NACC2: variants seen among roughly 807,000 people sequenced by gnomAD.
The protein encoded by NACC2 is NACC family member 2.
In NACC2, 8 loss-of-function variants were observed where a neutral mutation model predicts 25.1. The ratio of observed to expected loss-of-function variants is 0.32; its 90% CI spans 0.19 to 0.57. The LOEUF (loss-of-function observed/expected upper bound fraction) is 0.57, where lower values mean the gene tolerates loss of function less well. Among genes scored for constraint, NACC2 ranks in the 20% least tolerant of loss-of-function variants. The pLI is 0.89. For synonymous variants in NACC2, 435 were observed against 294.7 expected, an observed-to-expected ratio of 1.48 and a Z score of -4.88; for missense variants, 644 against 650.2, an observed-to-expected ratio of 0.99 and a Z score of 0.10.
chr9:136,091,319 A>G (rs1000738521), intron 1 of NACC2, among the ~76,000 whole-genome samples: 2 of 152,226 alleles, frequency 1.3e-5, no homozygotes, highest in African/African-American at 2.4e-5. Context: ...GGACGGCCTC[A>G]GGGAGGACGG....
At chr9:136,045,668 G>A (rs1054660489) in intron 2 of NACC2, among the ~76,000 whole-genome samples, 1 of 152,140 alleles carries the variant, frequency 6.6e-6, no homozygotes, top group Non-Finnish European at 1.5e-5. Flanking sequence ...CCATTTCCCT[G>A]TCCCTCGACC....
chr9:136,088,185 C>G (rs1830398736), intron 1 of NACC2, among the ~76,000 whole-genome samples: 1 of 152,196 alleles, frequency 6.6e-6, no homozygotes, highest in Admixed American at 6.5e-5. Context: ...CGGAATTTTG[C>G]TCTAAACGTG....
intron 1 of NACC2, among the ~76,000 whole-genome samples, chr9:136,056,008 C>T (rs954282152): frequency 6.6e-6 from 1 of 152,196 alleles, no homozygotes; most frequent in African/African-American, 2.4e-5. Context: ...TGCCCACCTC[C>T]GCGCAACGCC....
chr9:136,082,592 G>A (rs569085607), intron 1 of NACC2, among the ~76,000 whole-genome samples: 3 of 152,324 alleles, frequency 2.0e-5, no homozygotes, highest in South Asian at 2.1e-4. Context: ...GAGCCGAGGC[G>A]TCTTAGCAGG....
chr9:136,060,486 G>A (rs113024062), intron 1 of NACC2, among the ~76,000 whole-genome samples: 5 of 152,236 alleles, frequency 3.3e-5, no homozygotes, highest in Non-Finnish European at 7.3e-5. Context: ...AGAAGACAGG[G>A]CCAGGCCCAG....
chr9:136,068,942 A>C (rs1214680936), intron 1 of NACC2, among the ~76,000 whole-genome samples: 1 of 146,746 alleles, frequency 6.8e-6, no homozygotes, highest in Non-Finnish European at 1.5e-5. Context: ...TTAAAGATGG[A>C]GTTTTACTCT....
At chr9:136,053,373 C>T (rs893989030) in intron 1 of NACC2, among the ~76,000 whole-genome samples, 5 of 152,220 alleles carry the variant, frequency 3.3e-5, no homozygotes, top group African/African-American at 1.2e-4. Flanking sequence ...TTTTCTGCCT[C>T]CTACAAGGGG....
intron 1 of NACC2, among the ~76,000 whole-genome samples, chr9:136,082,345 G>A (rs2050694541): frequency 6.6e-6 from 1 of 152,244 alleles, no homozygotes; most frequent in Non-Finnish European, 1.5e-5. Context: ...CCCCGCCTGT[G>A]CCACGTGCTG....
At position 136,020,428 on chromosome 9, in the gene NACC2, G is replaced by A. The variant is rs1840273852; in HGVS notation, c.887-3999C>T. Reference sequence around the variant, plus strand: ...AGGCAGAGTGTGTCATCGGGGACTCGCCCAGGTGACACCATCAGAGACCAC... The same window carrying A: ...AGGCAGAGTGTGTCATCGGGGACTCACCCAGGTGACACCATCAGAGACCAC... On this transcript the variant is annotated intron_variant, in intron 2 of 5. Coordinates refer to ENST00000277554, the MANE Select transcript of NACC2 (RefSeq NM_144653.5). This position sits in a 1 kb window ranked among gnomAD's most constrained non-coding sequence, Gnocchi z 4.7. 6.6e-6 allele frequency among the ~76,000 whole-genome samples: 1 copy of A among 152,108 alleles called. No homozygotes were observed. The highest frequency in any genetic ancestry group is 1.5e-5 in the Non-Finnish European group (1 of 68,012).
chr9:136,072,410 T>TACACCC (rs1467273878), intron 1 of NACC2, among the ~76,000 whole-genome samples: 1 of 152,134 alleles, frequency 6.6e-6, no homozygotes, highest in Non-Finnish European at 1.5e-5. Context: ...CCGGGCGTGC[T>TACACCC]GGTGTACACC....
chr9:136,084,272 C>T lies in NACC2; in HGVS notation c.-60+10917G>A, dbSNP rs1326993673. ...AGACCTGGTCCTGGGTAGCCAACCC[C>T]TCCCCTACTGCATGCCCCAGCCCCT... On this transcript the variant is annotated intron_variant, in intron 1 of 5. Coordinates refer to ENST00000277554, the MANE Select transcript of NACC2 (RefSeq NM_144653.5). The surrounding 1 kb of genome is among the most constrained non-coding windows in gnomAD (Gnocchi z 5.1). Among the ~76,000 whole-genome samples the T allele has an allele frequency of 2.6e-5, 4 of 152,206 alleles. No homozygotes were observed. Among genetic ancestry groups the T allele is most frequent in the Non-Finnish European group, 5.9e-5 (4 of 68,034 alleles).
intron 2 of NACC2, among the ~76,000 whole-genome samples, chr9:136,023,372 G>C (rs1483082723): frequency 6.6e-6 from 1 of 151,976 alleles, no homozygotes. Context: ...CGGAGAACGT[G>C]GGATCCCCGA....
At chr9:136,088,961 C>G (rs1405366964) in intron 1 of NACC2, among the ~76,000 whole-genome samples, 1 of 152,258 alleles carries the variant, frequency 6.6e-6, no homozygotes, top group Non-Finnish European at 1.5e-5. Context: ...TGATAATGAT[C>G]TCGGCATCGC....
chr9:136,088,380 T>A (rs1345271171), intron 1 of NACC2, among the ~76,000 whole-genome samples: 2 of 152,096 alleles, frequency 1.3e-5, no homozygotes, highest in African/African-American at 4.8e-5. Flanking sequence ...GGCAAAAATT[T>A]GAGTCCACAC....
At chr9:136,063,809 A>C (rs1239376790) in intron 1 of NACC2, among the ~76,000 whole-genome samples, 1 of 150,048 alleles carries the variant, frequency 6.7e-6, no homozygotes, top group Admixed American at 6.6e-5. Context: ...CTTGAACCCG[A>C]GAGGTGGAGG....
chr9:136,012,099 A>G, intron 5 of NACC2, 75 bp from the exon 6 acceptor site: 3 of 1,438,616 alleles, frequency 2.1e-6, no homozygotes, highest in African/African-American at 1.4e-5. Context: ...CCACAGAACC[A>G]TGATGCCCTG....
intron 2 of NACC2, among the ~76,000 whole-genome samples, chr9:136,040,584 C>G (rs1840613113): frequency 6.6e-6 from 1 of 151,988 alleles, no homozygotes; most frequent in Non-Finnish European, 1.5e-5. Flanking sequence ...AAATAGCCAA[C>G]AAGCGGAAAC....
chr9:136,046,639 A>G (rs1840730014), intron 2 of NACC2, among the ~76,000 whole-genome samples: 1 of 152,184 alleles, frequency 6.6e-6, no homozygotes, highest in Non-Finnish European at 1.5e-5. Context: ...TCACACACCC[A>G]TGCATGGCGC....
intron 1 of NACC2, among the ~76,000 whole-genome samples, chr9:136,087,123 C>A (rs985995186): frequency 1.3e-5 from 2 of 152,184 alleles, no homozygotes; most frequent in African/African-American, 4.8e-5. Context: ...GGCCCATGAT[C>A]CCACATGCCA....
Sources: gnomAD v4.1 joint callset for allele counts (sites outside exome capture counted in the v4.1 genomes callset) on GRCh38, gnomAD v4.1.1 for gene constraint, Gnocchi (gnomAD v3.1) non-coding constraint, MANE v1.5 for transcripts, NCBI Gene and HGNC (gene_info 2026-07-23, HGNC 2026-07-21) for gene names.